Variants in ARHGAP39 observed in about 807,000 individuals in gnomAD.
ARHGAP39 encodes the protein Rho GTPase activating protein 39.
Under a neutral mutation model 106.9 loss-of-function variants are expected in ARHGAP39, and 44 were observed. The observed-to-expected ratio is 0.41, with a 90% CI of 0.32 to 0.53. The LOEUF (loss-of-function observed/expected upper bound fraction) is 0.53. Among genes scored for constraint, ARHGAP39 ranks in the 20% least tolerant of loss-of-function variants. The pLI is 0.21. For missense variants in ARHGAP39, 1,496 were observed against 1,577.3 expected (o/e 0.95, Z 0.87); for synonymous variants, 768 against 693.2 (o/e 1.11, Z -1.69).
At position 144,561,755 on chromosome 8, in the gene ARHGAP39, A is replaced by ATCCAGTGGTTTCCATTGGACTTAC. The variant is rs1564848732; in HGVS notation, c.513-6113_513-6112insGTAAGTCCAATGGAAACCACTGGA. On this transcript the variant is annotated intron_variant, in intron 3 of 11. Transcript: ENST00000377307. ...AATCCAGTGGTTTCCATCGGACTTA[A>ATCCAGTGGTTTCCATTGGACTTAC]TCCAGTGGTTTCCATCGGACTTACT... Among the ~76,000 whole-genome samples the ATCCAGTGGTTTCCATTGGACTTAC allele has an allele frequency of 4.6e-3, 472 of 103,588 alleles. 16 individuals carry two copies. The highest frequency in any genetic ancestry group is 0.017 in the African/African-American group (374 of 21,510). The allele number at this position is 103,588 out of a possible 152,430, so 68.0% of individuals were successfully genotyped here.
In ARHGAP39 at chr8:144,530,810, G is replaced by C. The variant is rs202148580; in HGVS notation, c.3042C>G (p.Tyr1014Ter). ...LEEPLIPHEF[Y>*]EQCIAHYDSP... Reference sequence around the variant, plus strand: ...TGTCGTAGTGCGCGATGCACTGCTCGTAGAACTCGTGCGGGATCAGGGGCT... The same window carrying C: ...TGTCGTAGTGCGCGATGCACTGCTCCTAGAACTCGTGCGGGATCAGGGGCT... Residue 1014 changes from tyrosine (Y) to a stop codon, truncating the protein, a stop_gained, in exon 11 of 12, where the codon TAC becomes TAG. Coordinates refer to ENST00000377307, the MANE Select transcript of ARHGAP39 (RefSeq NM_025251.3). LOFTEE classifies it high-confidence loss of function. 1.9e-6 allele frequency: 3 copies of C among 1,611,994 alleles called. No individual in the cohort carries two copies. The highest frequency in any genetic ancestry group is 1.7e-6 in the Non-Finnish European group (2 of 1,179,758).
At chr8:144,557,881 T>C (rs149423727) in intron 3 of ARHGAP39, among the ~76,000 whole-genome samples, 128 of 152,344 alleles carry the variant, frequency 8.4e-4, no homozygotes, top group African/African-American at 2.9e-3. Flanking sequence ...TGCTAGGCAA[T>C]GCAACTGGAC....
intron 6 of ARHGAP39, among the ~76,000 whole-genome samples, chr8:144,540,644 T>TA: frequency 6.6e-6 from 1 of 151,666 alleles, no homozygotes. Flanking sequence ...CTACAAAACT[T>TA]AAGAAAAAAA....
chr8:144,601,820 C>CGT (rs775716201), intron 2 of ARHGAP39, among the ~76,000 whole-genome samples: 2 of 118,302 alleles, frequency 1.7e-5, no homozygotes, highest in South Asian at 2.9e-4. Flanking sequence ...TGTGTGGAGG[C>CGT]GTGTGTGCTC....
rs1018797065 is a variant in ARHGAP39 at position 144,684,319 on chromosome 8, C to T, written c.-82+1367G>A. Among the ~76,000 whole-genome samples, 28 of 152,252 alleles carry T rather than the reference C, an allele frequency of 1.8e-4. No homozygotes were observed. The highest frequency in any genetic ancestry group is 3.4e-4 in the Non-Finnish European group (23 of 68,048). On this transcript the variant is annotated intron_variant, in intron 1 of 11. Coordinates refer to ENST00000377307, the MANE Select transcript of ARHGAP39 (RefSeq NM_025251.3). The surrounding 1 kb of genome is among the most constrained non-coding windows in gnomAD (Gnocchi z 4.4). ...CCTTTCCCTCCCCCGGCGCGAGAAT[C>T]GCACCTTGCTCCTTGTGGATCGGGC...
chr8:144,571,194 A>G lies in ARHGAP39; in HGVS notation c.512+9652T>C, dbSNP rs544588392. Among the ~76,000 whole-genome samples the G allele has an allele frequency of 2.6e-5, 4 of 152,344 alleles. No individual in the cohort carries two copies. In the East Asian group the frequency reaches 7.7e-4, roughly 29 times the overall value. Reference sequence around the variant, plus strand: ...GACACAACAAAAAAAAGAGAATTTTATACCAATATCCCTGGTGAACATCGA... The same window carrying G: ...GACACAACAAAAAAAAGAGAATTTTGTACCAATATCCCTGGTGAACATCGA... On this transcript the variant is annotated intron_variant, in intron 3 of 11. Coordinates refer to ENST00000377307, the MANE Select transcript of ARHGAP39 (RefSeq NM_025251.3).
In ARHGAP39 at chr8:144,646,441, A is replaced by C. The variant is rs538604710; in HGVS notation, c.-82+39245T>G. ...CCTGTGAAAGTATCGATAGCCAAAA[A>C]ACTAAATTTTAAAAAATCACCAAAA... On this transcript the variant is annotated intron_variant, in intron 1 of 11. Coordinates refer to ENST00000377307, the MANE Select transcript of ARHGAP39 (RefSeq NM_025251.3). The surrounding 1 kb of genome is among the most constrained non-coding windows in gnomAD (Gnocchi z 5.7). Among the ~76,000 whole-genome samples, 2 of 152,248 alleles carry C rather than the reference A, an allele frequency of 1.3e-5. No homozygotes were observed. Among genetic ancestry groups the C allele is most frequent in the East Asian group, 3.8e-4 (2 of 5,196 alleles).
chr8:144,690,930 T>C, the ARHGAP39 span, among the ~76,000 whole-genome samples: 2 of 152,138 alleles, frequency 1.3e-5, no homozygotes, highest in South Asian at 4.2e-4. Flanking sequence ...AGTGCTGGGA[T>C]TACAGGCATG....
chr8:144,642,822 A>G (rs1821346063), intron 1 of ARHGAP39, among the ~76,000 whole-genome samples: 7 of 152,202 alleles, frequency 4.6e-5, no homozygotes, highest in Middle Eastern at 6.8e-3. Context: ...TAAATTACCC[A>G]GTCTCGGGTA....
At chr8:144,655,682 G>C (rs1821676056) in intron 1 of ARHGAP39, among the ~76,000 whole-genome samples, 1 of 152,134 alleles carries the variant, frequency 6.6e-6, no homozygotes, top group South Asian at 2.1e-4. Context: ...ACTCAGTAAG[G>C]CTTCTCTTCA....
intron 1 of ARHGAP39, among the ~76,000 whole-genome samples, chr8:144,642,962 G>A (rs910984338): frequency 2.0e-5 from 3 of 151,836 alleles, no homozygotes; most frequent in Non-Finnish European, 2.9e-5. Context: ...GCCGTGAGCC[G>A]ACATCACACC....
chr8:144,608,515 G>C (rs1820378339), intron 1 of ARHGAP39, among the ~76,000 whole-genome samples: 2 of 152,146 alleles, frequency 1.3e-5, no homozygotes, highest in African/African-American at 4.8e-5. Context: ...AATGCACCGG[G>C]TCTGCAATCA....
At chr8:144,677,579 C>T (rs545164950) in intron 1 of ARHGAP39, among the ~76,000 whole-genome samples, 8 of 152,066 alleles carry the variant, frequency 5.3e-5, no homozygotes, top group Admixed American at 2.6e-4. Flanking sequence ...AAATACAGTG[C>T]GGCCATGGAA....
At chr8:144,600,168 G>C (rs912802799) in intron 2 of ARHGAP39, among the ~76,000 whole-genome samples, 3 of 152,034 alleles carry the variant, frequency 2.0e-5, no homozygotes, top group African/African-American at 7.2e-5. Flanking sequence ...TGTGCGTGGA[G>C]GCGTGTGTGC....
chr8:144,568,748 G>A (rs1321859760), intron 3 of ARHGAP39, among the ~76,000 whole-genome samples: 2 of 151,818 alleles, frequency 1.3e-5, no homozygotes, highest in Admixed American at 1.3e-4. Flanking sequence ...AGTCAACTAT[G>A]GTAAGTTAAT....
intron 4 of ARHGAP39, among the ~76,000 whole-genome samples, chr8:144,553,805 A>G (rs2130855419): frequency 6.6e-6 from 1 of 152,372 alleles, no homozygotes; most frequent in South Asian, 2.1e-4. Flanking sequence ...CACTACTGAC[A>G]GCAAACACTG....
At position 144,638,929 on chromosome 8, in the gene ARHGAP39, A is replaced by G. The variant is rs116449458; in HGVS notation, c.-81-33234T>C. ...CCCTGTGAGTCTGACTTTTTAAAAC[A>G]TCACTTTGCTGTTCACTTAGCAAAG... On this transcript the variant is annotated intron_variant, in intron 1 of 11. Transcript: ENST00000377307. 5.0e-3 allele frequency among the ~76,000 whole-genome samples: 755 copies of G among 152,344 alleles called. 6 individuals carry two copies. Among genetic ancestry groups the G allele is most frequent in the African/African-American group, 0.018 (729 of 41,572 alleles).
intron 1 of ARHGAP39, among the ~76,000 whole-genome samples, chr8:144,638,539 T>A (rs1451944080): frequency 6.6e-6 from 1 of 152,348 alleles, no homozygotes; most frequent in Non-Finnish European, 1.5e-5. Flanking sequence ...TCTCTGTCAC[T>A]TTCCCCGTCT....
At chr8:144,587,157 G>A (rs528316251) in intron 2 of ARHGAP39, among the ~76,000 whole-genome samples, 1 of 152,364 alleles carries the variant, frequency 6.6e-6, no homozygotes, top group East Asian at 1.9e-4. Flanking sequence ...ATGCGGAACT[G>A]TAAGTCAATT....
Sources: gnomAD v4.1 joint callset for allele counts (sites outside exome capture counted in the v4.1 genomes callset) on GRCh38, gnomAD v4.1.1 for gene constraint, Gnocchi (gnomAD v3.1) non-coding constraint, MANE v1.5 for transcripts, NCBI Gene and HGNC (gene_info 2026-07-23, HGNC 2026-07-21) for gene names.